Variants in GAD1 observed in about 807,000 individuals in gnomAD.
The protein encoded by GAD1 is glutamate decarboxylase 1.
In GAD1, 35 loss-of-function variants were observed where a neutral mutation model predicts 75.2. The observed-to-expected ratio is 0.47, with a 90% confidence interval of 0.36 to 0.62. GAD1 has a LOEUF of 0.62. Among genes scored for constraint, GAD1 ranks in the 20% least tolerant of loss-of-function variants. The probability of loss-of-function intolerance (pLI) is 0.00; values close to 1 mark genes in which losing one functional copy is unlikely to be tolerated. For synonymous variants in GAD1, 257 were observed against 271.9 expected (o/e 0.95, Z 0.54); for missense variants, 490 against 758.5 (o/e 0.65, Z 4.16).
At chr2:170,822,053 C>G in intron 2 of GAD1, 34 bp from the exon 3 acceptor site, 1 of 1,582,280 alleles carries the variant, frequency 6.3e-7, no homozygotes. Context: ...CGGAACCTCC[C>G]TAACCGAACC....
chr2:170,858,217 G>A (rs1702894811), intron 15 of GAD1, among the ~76,000 whole-genome samples: 1 of 152,158 alleles, frequency 6.6e-6, no homozygotes, highest in Admixed American at 6.5e-5. Flanking sequence ...TTTATAGCAA[G>A]AATAGGGAAG....
intron 14 of GAD1, among the ~76,000 whole-genome samples, chr2:170,854,559 C>A (rs1232762046): frequency 6.6e-6 from 1 of 152,082 alleles, no homozygotes; most frequent in Non-Finnish European, 1.5e-5. Context: ...CGCCACTACG[C>A]CCGGCTAATT....
intron 3 of GAD1, among the ~76,000 whole-genome samples, chr2:170,825,151 C>G (rs921372874): frequency 6.6e-6 from 1 of 151,968 alleles, no homozygotes; most frequent in African/African-American, 2.4e-5. Flanking sequence ...TTTGGGAGGC[C>G]AAGGTGGTAG....
chr2:170,823,913 C>T (rs1701960375), intron 3 of GAD1, among the ~76,000 whole-genome samples: 1 of 152,170 alleles, frequency 6.6e-6, no homozygotes, highest in Non-Finnish European at 1.5e-5. Flanking sequence ...CTGTCCCCTG[C>T]TCCTCTGGCT....
chr2:170,849,704 T>C (rs1337806365), intron 12 of GAD1, among the ~76,000 whole-genome samples: 1 of 152,044 alleles, frequency 6.6e-6, no homozygotes, highest in Non-Finnish European at 1.5e-5. Context: ...AATCAATCAA[T>C]CAATCAATGA....
chr2:170,839,352 C>T lies in GAD1; in HGVS notation c.638+2469C>T, dbSNP rs147364869. On this transcript the variant is annotated intron_variant, in intron 6 of 16. Coordinates refer to ENST00000358196, the MANE Select transcript of GAD1 (RefSeq NM_000817.3). ...ATGGTAGGTTGGGTGTGGTGGCTCA[C>T]GCCTGTAATCCCAGCACTTTGGGAG... Among the ~76,000 whole-genome samples the T allele has an allele frequency of 4.4e-3, 668 of 152,210 alleles. 3 individuals carry two copies. The highest frequency in any genetic ancestry group is 0.014 in the African/African-American group (583 of 41,556).
intron 11 of GAD1, chr2:170,848,719 T>C (rs759475751): frequency 1.9e-6 from 1 of 518,992 alleles, no homozygotes; most frequent in South Asian, 1.4e-5. Flanking sequence ...TAGGATCATC[T>C]GCCTTGCTAC....
chr2:170,829,354 C>A, intron 3 of GAD1, 121 bp from the exon 4 acceptor site: 3 of 1,141,872 alleles, frequency 2.6e-6, no homozygotes, highest in Non-Finnish European at 3.9e-6. Flanking sequence ...AAAACACAGA[C>A]ACTCACTTCT....
chr2:170,815,794 G>A (rs1268786609), upstream of GAD1, among the ~76,000 whole-genome samples: 3 of 152,248 alleles, frequency 2.0e-5, no homozygotes, highest in Admixed American at 1.3e-4. Flanking sequence ...GGCATGAAGA[G>A]GCAAGCCGGC....
Position 170,831,047 on chromosome 2 carries a change from C to T in GAD1, c.402C>T (p.Arg134=). 1 of 1,614,224 alleles carries T rather than the reference C, an allele frequency of 6.2e-7. No homozygotes were observed. ...ACTATGTCCGCAAGACATTTGATCG[C>T]TCCACCAAGGTGCTGGACTTTCATC... The part of the protein sequence containing the change: ...LLNYVRKTFD[R]STKVLDFHHP... Residue 134 remains arginine (R), a synonymous_variant, in exon 5 of 17, where the codon CGC becomes CGT. Coordinates refer to ENST00000358196, the MANE Select transcript of GAD1 (RefSeq NM_000817.3).
At position 170,818,671 on chromosome 2, in the gene GAD1, C is replaced by A. The variant is rs77655188; in HGVS notation, c.80C>A (p.Thr27Lys). The A allele has an allele frequency of 2.7e-4, 439 of 1,614,022 alleles. 3 individuals are homozygous for A. The East Asian group carries it at 8.0e-3, about 29-fold the overall frequency. The change falls in exon 2 of 17, where the codon ACA becomes AAA. Residue 27 changes from threonine (T) to lysine (K), a missense_variant and splice_region_variant. Physicochemically the swap from Thr to Lys is moderately conservative, Grantham distance 78 (BLOSUM62 -1). Around this residue, in one of 3 missense-constraint regions of GAD1, gnomAD observed 165 missense variants for 216.4 expected, o/e 0.76. Transcript: ENST00000358196. This position sits in a 1 kb window ranked among gnomAD's most constrained non-coding sequence, Gnocchi z 5.9. ...CCCAATACCACTAACCTGCGCCCCA[C>A]AAGTAGGTCCCGCCCCAATTTTCTA... ...ADPNTTNLRP[T>K]TYDTWCGVAH...
Position 170,857,093 on chromosome 2 carries a change from A to C in GAD1, c.1489A>C (p.Arg497=). 6.2e-7 allele frequency: 1 copy of C among 1,613,994 alleles called. No homozygotes were observed. Among genetic ancestry groups the C allele is most frequent in the South Asian group, 1.1e-5 (1 of 91,080 alleles). ...AEYLYAKIKN[R]EEFEMVFNGE... ...ATACCTCTATGCCAAGATTAAAAACAGAGAAGAATTTGAGATGGTTTTCAA... is the reference window on the plus strand; with the variant it reads ...ATACCTCTATGCCAAGATTAAAAACCGAGAAGAATTTGAGATGGTTTTCAA... Residue 497 remains arginine (R), a synonymous_variant, in exon 15 of 17, where the codon AGA becomes CGA. Transcript: ENST00000358196.
Position 170,816,898 on chromosome 2 carries a change from G to C in GAD1, c.-214G>C, listed in dbSNP as rs1701711367. 1 of 170,488 alleles carries C rather than the reference G, an allele frequency of 5.9e-6. No homozygotes were observed. Among genetic ancestry groups the C allele is most frequent in the South Asian group, 2.0e-4 (1 of 4,996 alleles). The allele number at this position is 170,488 out of a possible 1,614,324, so 10.6% of individuals were successfully genotyped here. On this transcript the variant is annotated 5_prime_UTR_variant, in exon 1 of 17. Transcript: ENST00000358196. ...CTCTCCGAATCTCTCTCTTCTCCTGGCGCTCGCGTGCGAGAGGGAACTAGC... is the reference window on the plus strand; with the variant it reads ...CTCTCCGAATCTCTCTCTTCTCCTGCCGCTCGCGTGCGAGAGGGAACTAGC...
rs569387530 is a variant in GAD1, at chr2:170,827,545, C to T, written c.146-1930C>T. 1.1e-3 allele frequency among the ~76,000 whole-genome samples: 166 copies of T among 152,328 alleles called. 1 individual carries two copies. The highest frequency in any genetic ancestry group is 3.4e-3 in the Middle Eastern group (1 of 294). ...GTTCTCCTGCCCTTTTGGCTTAACCCTCTTTCCCCGTTTGCTGCCGGAGTT... is the reference window on the plus strand; with the variant it reads ...GTTCTCCTGCCCTTTTGGCTTAACCTTCTTTCCCCGTTTGCTGCCGGAGTT... On this transcript the variant is annotated intron_variant, in intron 3 of 16. Transcript: ENST00000358196.
chr2:170,822,252 G>A, intron 3 of GAD1, 103 bp downstream of exon 3: 1 of 980,234 alleles, frequency 1.0e-6, no homozygotes, highest in Non-Finnish European at 1.6e-6. Context: ...GGGCTCATGG[G>A]TCTGATTTTC....
chr2:170,859,567 C>T (rs540188744), intron 16 of GAD1, 142 bp from the exon 17 acceptor site: 3 of 865,194 alleles, frequency 3.5e-6, no homozygotes, highest in East Asian at 2.7e-5. Context: ...ATATTAGCCC[C>T]TGAAGATTCC....
intron 13 of GAD1, 30 bp downstream of exon 13, chr2:170,852,822 G>A (rs1176055957): frequency 1.3e-6 from 2 of 1,591,502 alleles, no homozygotes; most frequent in Non-Finnish European, 1.7e-6. Flanking sequence ...CTACACTGGG[G>A]CCCGTACGTT....
rs147958390 is a variant in GAD1 at position 170,829,737 on chromosome 2, A to G, written c.304+104A>G. On this transcript the variant is annotated intron_variant, in intron 4 of 16. Coordinates refer to ENST00000358196, the MANE Select transcript of GAD1 (RefSeq NM_000817.3). ...ACTTCTTTTATCAAGAAATGTCATT[A>G]TTCTCTCTGAACCCACATGAAACTG... 4.5e-5 allele frequency: 59 copies of G among 1,298,908 alleles called. No homozygotes were observed. The East Asian group carries it at 1.4e-3, about 30-fold the overall frequency. 80.5% of individuals were successfully genotyped at this position (1,298,908 alleles called of 1,614,324 possible). A position where few individuals can be genotyped will look rare whatever the true frequency, so the allele number is the denominator to read the frequency against.
At chr2:170,857,666 T>C (rs978559090) in intron 15 of GAD1, among the ~76,000 whole-genome samples, 1 of 152,156 alleles carries the variant, frequency 6.6e-6, no homozygotes. Flanking sequence ...ATAGGATGGG[T>C]ATATTCTTAC....
Sources: gnomAD v4.1 joint callset for allele counts (sites outside exome capture counted in the v4.1 genomes callset) on GRCh38, gnomAD v4.1.1 for gene constraint, gnomAD v4.1.1 regional missense constraint, Gnocchi (gnomAD v3.1) non-coding constraint, MANE v1.5 for transcripts, NCBI Gene and HGNC (gene_info 2026-07-23, HGNC 2026-07-21) for gene names.